The following KLHDC10 variants were observed in gnomAD, a reference collection of about 807,000 sequenced individuals.
KLHDC10 encodes the protein kelch domain containing 10.
Under a neutral mutation model 56.1 loss-of-function variants are expected in KLHDC10, and 24 were observed. That is an observed-to-expected ratio of 0.43 (90% CI 0.31 to 0.60). KLHDC10 has a LOEUF of 0.60. Among genes scored for constraint, KLHDC10 ranks in the 20% least tolerant of loss-of-function variants. The pLI is 0.11. For missense variants in KLHDC10, 349 were observed against 567.0 expected (o/e 0.62, Z 3.91); for synonymous variants, 188 against 207.1 (o/e 0.91, Z 0.79).
chr7:130,115,055 A>G (rs1025034512), intron 2 of KLHDC10, among the ~76,000 whole-genome samples: 6 of 152,226 alleles, frequency 3.9e-5, no homozygotes, highest in African/African-American at 1.4e-4. Flanking sequence ...CAATCTGTGC[A>G]CAATTTCAGC....
chr7:130,082,816 A>G (rs1262945712), intron 1 of KLHDC10, among the ~76,000 whole-genome samples: 1 of 152,138 alleles, frequency 6.6e-6, no homozygotes, highest in East Asian at 1.9e-4. Context: ...TTTTCATCCT[A>G]CCCAGCTTCT....
intron 1 of KLHDC10, among the ~76,000 whole-genome samples, chr7:130,074,851 C>A (rs1795476027): frequency 6.6e-6 from 1 of 152,098 alleles, no homozygotes; most frequent in Non-Finnish European, 1.5e-5. Context: ...TCTTGTGATC[C>A]ACCCACCTTG....
At chr7:130,078,369 G>A (rs1253270809) in intron 1 of KLHDC10, among the ~76,000 whole-genome samples, 2 of 151,556 alleles carry the variant, frequency 1.3e-5, no homozygotes, top group African/African-American at 2.4e-5. Flanking sequence ...GCAAGACTCC[G>A]TCTCCAAAAA....
intron 2 of KLHDC10, among the ~76,000 whole-genome samples, chr7:130,114,995 T>G (rs1219427573): frequency 1.3e-5 from 2 of 152,188 alleles, no homozygotes; most frequent in Non-Finnish European, 2.9e-5. Context: ...CAAACACGAC[T>G]AACAGGTTGG....
intron 1 of KLHDC10, among the ~76,000 whole-genome samples, chr7:130,078,550 G>A (rs1460544035): frequency 6.6e-6 from 1 of 151,388 alleles, no homozygotes; most frequent in African/African-American, 2.4e-5. Context: ...ACAGAGTCTC[G>A]CTCTGTCACC....
At chr7:130,072,663 G>T (rs1486475699) in intron 1 of KLHDC10, among the ~76,000 whole-genome samples, 1 of 152,104 alleles carries the variant, frequency 6.6e-6, no homozygotes, top group Non-Finnish European at 1.5e-5. Flanking sequence ...CATTTTGATA[G>T]ATTTTAAAAG....
chr7:130,127,527 C>A, intron 8 of KLHDC10, 76 bp downstream of exon 8: 5 of 1,061,334 alleles, frequency 4.7e-6, no homozygotes, highest in South Asian at 3.9e-5. Flanking sequence ...CCTAAGATAG[C>A]CCCCTCAAAA....
In KLHDC10 at chr7:130,089,760, T is replaced by C. The variant is rs573467066; in HGVS notation, c.167-7161T>C. ...CTGTGCAGCGATTCCAAATACAGTATTAATTTGCTTCTCTTTTGAAATTCT... is the reference window on the plus strand; with the variant it reads ...CTGTGCAGCGATTCCAAATACAGTACTAATTTGCTTCTCTTTTGAAATTCT... On this transcript the variant is annotated intron_variant, in intron 1 of 9. Transcript: ENST00000335420. Among the ~76,000 whole-genome samples the C allele has an allele frequency of 1.6e-4, 25 of 152,318 alleles. No homozygotes were observed. In the East Asian group the frequency reaches 4.8e-3, roughly 29 times the overall value.
chr7:130,089,649 G>C (rs1795742812), intron 1 of KLHDC10, among the ~76,000 whole-genome samples: 1 of 152,146 alleles, frequency 6.6e-6, no homozygotes, highest in Non-Finnish European at 1.5e-5. Flanking sequence ...AGTCCCATGG[G>C]TACATTGGAG....
intron 1 of KLHDC10, among the ~76,000 whole-genome samples, chr7:130,074,124 G>A (rs1018220973): frequency 6.6e-6 from 1 of 152,110 alleles, no homozygotes; most frequent in Admixed American, 6.5e-5. Context: ...CCTGTGTTAC[G>A]TTCTCTTGGT....
intron 1 of KLHDC10, among the ~76,000 whole-genome samples, chr7:130,092,045 T>G (rs1273380751): frequency 6.6e-6 from 1 of 152,196 alleles, no homozygotes; most frequent in Non-Finnish European, 1.5e-5. Flanking sequence ...CACTGAATAG[T>G]CTTGTCACCC....
Position 130,120,985 on chromosome 7 carries a change from C to T in KLHDC10, c.630+82C>T. ...GGTGTTAGAATATTTGTAATTGTTA[C>T]CATTTTATTTTAATGGAGAAGAGTT... On this transcript the variant is annotated intron_variant, in intron 4 of 9. Coordinates refer to ENST00000335420, the MANE Select transcript of KLHDC10 (RefSeq NM_014997.4). The surrounding 1 kb of genome is among the most constrained non-coding windows in gnomAD (Gnocchi z 5.1). 7.6e-7 allele frequency: 1 copy of T among 1,323,636 alleles called. No individual in the cohort carries two copies. Among genetic ancestry groups the T allele is most frequent in the Middle Eastern group, 1.9e-4 (1 of 5,182 alleles). 82.0% of individuals were successfully genotyped at this position (1,323,636 alleles called of 1,614,324 possible).
rs1222450817 is a variant in KLHDC10 at position 130,077,371 on chromosome 7, A to C, written c.166+6562A>C. 2.2e-4 allele frequency among the ~76,000 whole-genome samples: 33 copies of C among 148,288 alleles called. No homozygotes were observed. The East Asian group carries it at 3.8e-3, about 17-fold the overall frequency. ...TCTGTCTCAAAAAAAAAAAAAAAAA[A>C]AAAAAAAAAAACAGTATATGTATTT... On this transcript the variant is annotated intron_variant, in intron 1 of 9. Coordinates refer to ENST00000335420, the MANE Select transcript of KLHDC10 (RefSeq NM_014997.4).
intron 3 of KLHDC10, among the ~76,000 whole-genome samples, chr7:130,117,326 G>T (rs1313351442): frequency 1.3e-5 from 2 of 152,134 alleles, no homozygotes; most frequent in Non-Finnish European, 2.9e-5. Context: ...TCTTAAGACA[G>T]CATTGAAGTT....
In KLHDC10 at chr7:130,079,372, T is replaced by G. The variant is rs187047021; in HGVS notation, c.166+8563T>G. On this transcript the variant is annotated intron_variant, in intron 1 of 9. Coordinates refer to ENST00000335420, the MANE Select transcript of KLHDC10 (RefSeq NM_014997.4). Reference sequence around the variant, plus strand: ...CATGCCAGGCCTAAAGTATTTTTTTTAATAAATACTTTATTTAAAAAATGT... The same window carrying G: ...CATGCCAGGCCTAAAGTATTTTTTTGAATAAATACTTTATTTAAAAAATGT... 1.2e-3 allele frequency among the ~76,000 whole-genome samples: 180 copies of G among 152,268 alleles called. 1 individual carries two copies. Among genetic ancestry groups the G allele is most frequent in the African/African-American group, 4.0e-3 (167 of 41,548 alleles).
At chr7:130,112,296 C>T (rs954446764) in intron 2 of KLHDC10, among the ~76,000 whole-genome samples, 1 of 152,136 alleles carries the variant, frequency 6.6e-6, no homozygotes, top group African/African-American at 2.4e-5. Context: ...CTGCTTGCTC[C>T]CTGGGTAAAG....
chr7:130,078,524 T>C (rs1310487055), intron 1 of KLHDC10, among the ~76,000 whole-genome samples: 1 of 152,036 alleles, frequency 6.6e-6, no homozygotes, highest in Non-Finnish European at 1.5e-5. Flanking sequence ...GCCTTCCTTT[T>C]CACTCTTTTT....
chr7:130,094,099 T>C (rs534562145), intron 1 of KLHDC10, among the ~76,000 whole-genome samples: 1 of 151,724 alleles, frequency 6.6e-6, no homozygotes, highest in African/African-American at 2.4e-5. Context: ...AATTTTTATA[T>C]ATTTTTAGTA....
chr7:130,085,111 C>T (rs955134527), intron 1 of KLHDC10, among the ~76,000 whole-genome samples: 10 of 149,482 alleles, frequency 6.7e-5, no homozygotes, highest in Admixed American at 4.0e-4. Flanking sequence ...TTTGGGAGGC[C>T]GAGACGAGGT....
Sources: gnomAD v4.1 joint callset for allele counts (sites outside exome capture counted in the v4.1 genomes callset) on GRCh38, gnomAD v4.1.1 for gene constraint, Gnocchi (gnomAD v3.1) non-coding constraint, MANE v1.5 for transcripts, NCBI Gene and HGNC (gene_info 2026-07-23, HGNC 2026-07-21) for gene names.